KCNN3: variants seen among roughly 807,000 people sequenced by gnomAD.
KCNN3 encodes potassium calcium-activated channel subfamily N member 3, also known as small conductance calcium-activated potassium channel protein 3.
KCNN3 carries 16 observed loss-of-function variants against 62.9 expected under a neutral mutation model. The observed-to-expected ratio is 0.25, with a 90% CI of 0.17 to 0.39. The LOEUF is 0.39. Ranked by LOEUF, KCNN3 falls within the 10% of genes least tolerant of loss-of-function variation. The probability of loss-of-function intolerance (pLI) is 1.00; values close to 1 mark genes in which losing one functional copy is unlikely to be tolerated. For missense variants in KCNN3, 599 were observed against 949.4 expected, an observed-to-expected ratio of 0.63 and a Z score of 4.85; for synonymous variants, 370 against 389.2, an observed-to-expected ratio of 0.95 and a Z score of 0.58.
chr1:154,751,527 G>A (rs870031), intron 3 of KCNN3, among the ~76,000 whole-genome samples: 14,113 of 152,262 alleles, frequency 0.093, 872 homozygotes, highest in South Asian at 0.2. Flanking sequence ...CAGAACTTCT[G>A]ATGGCTCCTA....
At chr1:154,864,006 G>A (rs1441290430) in intron 1 of KCNN3, among the ~76,000 whole-genome samples, 3 of 152,210 alleles carry the variant, frequency 2.0e-5, no homozygotes, top group South Asian at 2.1e-4. Flanking sequence ...ACCCTGGGGC[G>A]GGTGGCGGAG....
At chr1:154,801,520 C>T (rs1422823960) in intron 2 of KCNN3, among the ~76,000 whole-genome samples, 1 of 152,206 alleles carries the variant, frequency 6.6e-6, no homozygotes, top group Non-Finnish European at 1.5e-5. Flanking sequence ...CTCCCACCCC[C>T]TGAAAGAAGA....
intron 2 of KCNN3, among the ~76,000 whole-genome samples, chr1:154,791,947 G>A (rs1649537263): frequency 1.3e-5 from 2 of 152,188 alleles, no homozygotes; most frequent in Admixed American, 6.5e-5. Flanking sequence ...GTCTGTAAAA[G>A]CATCCTTCTG....
chr1:154,818,408 G>T (rs568638710), intron 2 of KCNN3, among the ~76,000 whole-genome samples: 2 of 152,360 alleles, frequency 1.3e-5, no homozygotes, highest in East Asian at 3.9e-4. Flanking sequence ...CTCCGTCACA[G>T]TAGCACACAC....
chr1:154,710,974 C>G (rs1362987111), intron 7 of KCNN3, among the ~76,000 whole-genome samples: 1 of 152,078 alleles, frequency 6.6e-6, no homozygotes, highest in African/African-American at 2.4e-5. Flanking sequence ...ACCATTTGAC[C>G]CAGCCATCCC....
intron 3 of KCNN3, among the ~76,000 whole-genome samples, chr1:154,743,837 A>G (rs1700880101): frequency 6.6e-6 from 1 of 152,176 alleles, no homozygotes; most frequent in African/African-American, 2.4e-5. Flanking sequence ...TCAGTAGGTT[A>G]GGTACGTTCA....
At chr1:154,731,322 AC>A (rs1360381276) in intron 4 of KCNN3, among the ~76,000 whole-genome samples, 2 of 152,234 alleles carry the variant, frequency 1.3e-5, no homozygotes, top group African/African-American at 4.8e-5. Flanking sequence ...CCTTGCACTT[AC>A]CCGTGATTTA....
At chr1:154,755,170 A>G (rs1234288083) in intron 3 of KCNN3, among the ~76,000 whole-genome samples, 2 of 152,126 alleles carry the variant, frequency 1.3e-5, no homozygotes, top group Non-Finnish European at 2.9e-5. Context: ...TTACTCTCCT[A>G]TTTAAAACCC....
intron 2 of KCNN3, among the ~76,000 whole-genome samples, chr1:154,798,916 ATTTTTT>A (rs56240234): frequency 3.0e-5 from 4 of 131,272 alleles, no homozygotes; most frequent in African/African-American, 5.6e-5. Flanking sequence ...CACTTATTGC[ATTTTTT>A]TTTTTTTTTT....
rs1442665031 is a variant in KCNN3 at position 154,703,677 on chromosome 1, TGGA to T, written c.*4296_*4298del. 1 of 152,232 alleles carries T rather than the reference TGGA, an allele frequency of 6.6e-6. No homozygotes were observed. Among genetic ancestry groups the T allele is most frequent in the African/African-American group, 2.4e-5 (1 of 41,450 alleles). 9.4% of individuals were successfully genotyped at this position (152,232 alleles called of 1,614,324 possible). ...GTGTACTGTTTGTTGAGTTGCACTC[TGGA>T]GGAGGAGGAAGGTTCTGGAACTACG... On this transcript the variant is annotated 3_prime_UTR_variant, in exon 8 of 8. Transcript: ENST00000271915.
chr1:154,787,904 A>C (rs1429455104), intron 2 of KCNN3, among the ~76,000 whole-genome samples: 1 of 152,160 alleles, frequency 6.6e-6, no homozygotes, highest in East Asian at 1.9e-4. Flanking sequence ...GTACATCCCT[A>C]AGCCTGAGAA....
chr1:154,848,830 C>T (rs1652191008), intron 1 of KCNN3, among the ~76,000 whole-genome samples: 1 of 152,204 alleles, frequency 6.6e-6, no homozygotes, highest in Admixed American at 6.5e-5. Context: ...GATGCAGAGC[C>T]TCTCTACCGC....
chr1:154,841,785 C>T (rs970956934), intron 1 of KCNN3, among the ~76,000 whole-genome samples: 7 of 152,192 alleles, frequency 4.6e-5, no homozygotes, highest in African/African-American at 7.2e-5. Context: ...ATGTGCGAGC[C>T]GAAGGGGCTG....
In KCNN3 at chr1:154,836,002, G is replaced by C. The variant is rs189130831; in HGVS notation, c.934-13818C>G. ...TCAGATAGCCCCATGGCCAGGCATG[G>C]GGACAGGATCTGAGGGCGTCTGGAG... On this transcript the variant is annotated intron_variant, in intron 1 of 7. Coordinates refer to ENST00000271915, the MANE Select transcript of KCNN3 (RefSeq NM_002249.6). Among the ~76,000 whole-genome samples the C allele has an allele frequency of 1.5e-3, 228 of 152,326 alleles. 1 individual carries two copies. Among genetic ancestry groups the C allele is most frequent in the African/African-American group, 5.5e-3 (228 of 41,576 alleles).
rs1414998238 is a variant in KCNN3, at chr1:154,760,158, G to A, written c.1448+11817C>T. On this transcript the variant is annotated intron_variant, in intron 3 of 7. Coordinates refer to ENST00000271915, the MANE Select transcript of KCNN3 (RefSeq NM_002249.6). The stretch of plus-strand genomic sequence containing the variant: ...CTCCCGAGTAGCTGGGATTACAGGT[G>A]CGCGCCACCACGCTGGCTAATAATT... 2.0e-5 allele frequency among the ~76,000 whole-genome samples: 3 copies of A among 151,930 alleles called. No homozygotes were observed. The South Asian group carries it at 6.2e-4, about 32-fold the overall frequency.
At chr1:154,778,987 G>A (rs1648911130) in intron 2 of KCNN3, among the ~76,000 whole-genome samples, 1 of 152,126 alleles carries the variant, frequency 6.6e-6, no homozygotes, top group African/African-American at 2.4e-5. Flanking sequence ...GTGTGATACA[G>A]CAGAGGTTTA....
chr1:154,771,410 G>A (rs965860880), intron 3 of KCNN3, among the ~76,000 whole-genome samples: 6 of 152,200 alleles, frequency 3.9e-5, no homozygotes, highest in African/African-American at 1.4e-4. Flanking sequence ...CTTGTTAAAT[G>A]CAAATTCTGA....
intron 2 of KCNN3, among the ~76,000 whole-genome samples, chr1:154,774,288 C>T (rs1259086284): frequency 6.6e-6 from 1 of 152,212 alleles, no homozygotes; most frequent in Non-Finnish European, 1.5e-5. Flanking sequence ...GAAGATGCTT[C>T]CTGCTGTCAC....
chr1:154,790,427 T>A (rs146226007), intron 2 of KCNN3, among the ~76,000 whole-genome samples: 1 of 152,370 alleles, frequency 6.6e-6, no homozygotes, highest in Non-Finnish European at 1.5e-5. Context: ...GCCTGCCTTG[T>A]GTGCTCAGAA....
Sources: allele counts gnomAD v4.1 joint callset (sites outside exome capture counted in the v4.1 genomes callset), GRCh38; gene constraint gnomAD v4.1.1; transcripts MANE v1.5; gene names NCBI Gene and HGNC (gene_info 2026-07-23, HGNC 2026-07-21).